Variants in NR3C2 observed in about 807,000 individuals in gnomAD.
The protein encoded by NR3C2 is nuclear receptor subfamily 3 group C member 2.
NR3C2 carries 15 observed loss-of-function variants against 86.4 expected under a neutral mutation model. The ratio of observed to expected loss-of-function variants is 0.17; its 90% confidence interval spans 0.12 to 0.27. The LOEUF is 0.27. Ranked by LOEUF, NR3C2 falls within the 10% of genes least tolerant of loss-of-function variation. The pLI, the probability that NR3C2 is intolerant of heterozygous loss-of-function variation, is 1.00. For synonymous variants in NR3C2, 458 were observed against 450.5 expected (o/e 1.02, Z -0.21); for missense variants, 960 against 1,195.6 (o/e 0.80, Z 2.91).
intron 2 of NR3C2, among the ~76,000 whole-genome samples, chr4:148,382,404 T>G (rs1469688477): frequency 1.3e-5 from 2 of 152,160 alleles, no homozygotes; most frequent in Non-Finnish European, 2.9e-5. Flanking sequence ...CTGTTCCACA[T>G]GCACATTAAT....
At chr4:148,376,228 T>A (rs1746673415) in intron 2 of NR3C2, among the ~76,000 whole-genome samples, 1 of 151,632 alleles carries the variant, frequency 6.6e-6, no homozygotes, top group African/African-American at 2.4e-5. Flanking sequence ...TGAAACTCTT[T>A]GGTGTAGAAG....
intron 7 of NR3C2, among the ~76,000 whole-genome samples, chr4:148,115,959 T>A (rs115990175): frequency 3.9e-5 from 6 of 152,196 alleles, no homozygotes; most frequent in South Asian, 2.1e-4. Context: ...AGGATGTTAA[T>A]AGTAAAATCC....
In NR3C2 at chr4:148,259,980, T is replaced by C. The variant is rs1436713675; in HGVS notation, c.1895A>G (p.Glu632Gly). 6.2e-7 allele frequency: 1 copy of C among 1,614,022 alleles called. No individual in the cohort carries two copies. Among genetic ancestry groups the C allele is most frequent in the African/African-American group, 1.3e-5 (1 of 74,922 alleles). The change falls in exon 3 of 9, where the codon GAA becomes GGA. Residue 632 changes from glutamate to glycine, a missense_variant and splice_region_variant. Physicochemically the swap from Glu to Gly is moderately conservative, Grantham distance 98. Transcript: ENST00000358102. ...SCKVFFKRAVEGQHNYLCAGR... is the reference protein window; with the variant it reads ...SCKVFFKRAVGGQHNYLCAGR... The stretch of plus-strand genomic sequence containing the variant: ...GGAACACCCACATGAACATTTACCT[T>C]CCACTGCTCTTTTGAAGAAAACTTT...
intron 6 of NR3C2, among the ~76,000 whole-genome samples, chr4:148,141,068 T>C (rs1733578743): frequency 6.6e-6 from 1 of 152,182 alleles, no homozygotes; most frequent in Non-Finnish European, 1.5e-5. Flanking sequence ...CATCAGGAAA[T>C]TGGATTCTGA....
At chr4:148,301,921 G>A (rs1191812344) in intron 2 of NR3C2, among the ~76,000 whole-genome samples, 1 of 152,142 alleles carries the variant, frequency 6.6e-6, no homozygotes, top group East Asian at 1.9e-4. Context: ...TTCAAGAATA[G>A]TAATATATGT....
In NR3C2 at chr4:148,436,061, C is replaced by G. The variant is rs146671580; in HGVS notation, c.800G>C (p.Ser267Thr). The G allele has an allele frequency of 1.9e-6, 3 of 1,614,016 alleles. No homozygotes were observed. In the African/African-American group the frequency reaches 4.0e-5, roughly 22 times the overall value. The change falls in exon 2 of 9, where the codon AGC becomes ACC. Residue 267 changes from serine (S) to threonine (T), a missense_variant. Ser to Thr is a moderately conservative substitution (Grantham distance 58, BLOSUM62 1). This residue lies in a region of NR3C2 where 680 missense variants were observed against 719.0 expected (regional missense o/e 0.95). Coordinates refer to ENST00000358102, the MANE Select transcript of NR3C2 (RefSeq NM_000901.5). ...VGSPLSSPLS[S>T]MKSSISSPPS... is the part of the protein sequence containing the mutation. ...AGGGCTGGAAATTGAGGATTTCATGCTACTTAACGGACTTGAGAGAGGAGA... is the reference window on the plus strand; with the variant it reads ...AGGGCTGGAAATTGAGGATTTCATGGTACTTAACGGACTTGAGAGAGGAGA...
At chr4:148,087,815 A>G (rs1454017595) in intron 8 of NR3C2, among the ~76,000 whole-genome samples, 2 of 152,226 alleles carry the variant, frequency 1.3e-5, no homozygotes, top group African/African-American at 4.8e-5. Flanking sequence ...ATGGGCAAAG[A>G]CTTCATGACT....
intron 3 of NR3C2, among the ~76,000 whole-genome samples, chr4:148,231,329 T>A (rs1351733080): frequency 6.6e-6 from 1 of 152,148 alleles, no homozygotes; most frequent in Non-Finnish European, 1.5e-5. Context: ...ATTGTGAAGA[T>A]CCAATAACAA....
At chr4:148,368,197 C>T (rs997522397) in intron 2 of NR3C2, 2 of 152,246 alleles carry the variant, frequency 1.3e-5, no homozygotes, top group Non-Finnish European at 2.9e-5. Context: ...ACCTCTTCCT[C>T]TCCACCACAC....
intron 2 of NR3C2, among the ~76,000 whole-genome samples, chr4:148,346,814 T>G (rs181142410): frequency 3.6e-4 from 29 of 80,160 alleles, no homozygotes; most frequent in African/African-American, 2.4e-3. Flanking sequence ...AAACTTACAA[T>G]TACATGTCAA....
At chr4:148,357,995 C>T (rs949910158) in intron 2 of NR3C2, among the ~76,000 whole-genome samples, 8 of 152,290 alleles carry the variant, frequency 5.3e-5, no homozygotes, top group East Asian at 1.9e-4. Context: ...TACTTAACTA[C>T]GTGTTCCTAA....
rs572529383 is a variant in NR3C2, at chr4:148,096,624, G to A, written c.2800-15125C>T. The stretch of plus-strand genomic sequence containing the variant: ...GCAAACGGTCTGGCAAACTACAGTT[G>A]CAGGTCAAATCTGGCCTCATGCTTT... On this transcript the variant is annotated intron_variant, in intron 8 of 8. Coordinates refer to ENST00000358102, the MANE Select transcript of NR3C2 (RefSeq NM_000901.5). Among the ~76,000 whole-genome samples the A allele has an allele frequency of 1.7e-3, 266 of 152,260 alleles. 1 individual carries two copies. Among genetic ancestry groups the A allele is most frequent in the African/African-American group, 5.9e-3 (244 of 41,534 alleles).
intron 2 of NR3C2, among the ~76,000 whole-genome samples, chr4:148,337,209 G>C (rs976314554): frequency 2.0e-5 from 3 of 152,174 alleles, no homozygotes; most frequent in African/African-American, 4.8e-5. Flanking sequence ...AAGTCTATGA[G>C]GAAATATATC....
At chr4:148,284,178 A>C (rs1438872773) in intron 2 of NR3C2, among the ~76,000 whole-genome samples, 3 of 151,938 alleles carry the variant, frequency 2.0e-5, no homozygotes, top group African/African-American at 7.3e-5. Context: ...ATGGAACATA[A>C]CTCTTTAGAG....
intron 3 of NR3C2, among the ~76,000 whole-genome samples, chr4:148,197,540 G>A (rs983710595): frequency 2.0e-5 from 3 of 151,960 alleles, no homozygotes; most frequent in Non-Finnish European, 4.4e-5. Context: ...CATACAGAAT[G>A]GAAAAAAATG....
chr4:148,106,543 C>G (rs1215760272), intron 8 of NR3C2, among the ~76,000 whole-genome samples: 1 of 152,078 alleles, frequency 6.6e-6, no homozygotes. Flanking sequence ...CAAAAAAGAG[C>G]CCGTATAGCC....
chr4:148,309,879 G>A (rs1157246974), intron 2 of NR3C2, among the ~76,000 whole-genome samples: 2 of 150,904 alleles, frequency 1.3e-5, no homozygotes, highest in African/African-American at 4.9e-5. Flanking sequence ...TGTGTTAAGT[G>A]AACAATTAGA....
In NR3C2 at chr4:148,114,209, A is replaced by G. The variant is rs751910210; in HGVS notation, c.2694T>C (p.Asn898=). ...SQAAFEEMRT[N]YIKELRKMVT... is the part of the protein sequence containing the mutation. ...CCATCTTCCTCAGTTCTTTGATGTA[A>G]TTTGTCCTCATTTCTTCAAATGCAG... The change falls in exon 8 of 9, where the codon AAT becomes AAC. Residue 898 remains asparagine (N), a synonymous_variant. Coordinates refer to ENST00000358102, the MANE Select transcript of NR3C2 (RefSeq NM_000901.5). 1 of 1,613,868 alleles carries G rather than the reference A, an allele frequency of 6.2e-7. No individual in the cohort carries two copies. The highest frequency in any genetic ancestry group is 8.5e-7 in the Non-Finnish European group (1 of 1,179,938).
Position 148,435,356 on chromosome 4 carries a change from T to C in NR3C2, c.1505A>G (p.Tyr502Cys). 1.2e-6 allele frequency: 2 copies of C among 1,614,208 alleles called. No individual in the cohort carries two copies. Among genetic ancestry groups the C allele is most frequent in the South Asian group, 1.1e-5 (1 of 91,084 alleles). The change falls in exon 2 of 9, where the codon TAT becomes TGT. Residue 502 changes from tyrosine to cysteine, a missense_variant. Physicochemically the swap from Tyr to Cys is radical, Grantham distance 194. Coordinates refer to ENST00000358102, the MANE Select transcript of NR3C2 (RefSeq NM_000901.5). ...GIKQEPDDGS[Y>C]YPEASIPSSA... is the part of the protein sequence containing the mutation. ...GGAAGGGATGCTGGCCTCTGGGTAATAGCTCCCATCATCTGGTTCTTGTTT... is the reference window on the plus strand; with the variant it reads ...GGAAGGGATGCTGGCCTCTGGGTAACAGCTCCCATCATCTGGTTCTTGTTT...
Sources: gnomAD v4.1 joint callset for allele counts (sites outside exome capture counted in the v4.1 genomes callset) on GRCh38, gnomAD v4.1.1 for gene constraint, gnomAD v4.1.1 regional missense constraint, MANE v1.5 for transcripts, NCBI Gene and HGNC (gene_info 2026-07-23, HGNC 2026-07-21) for gene names.